FREM1: variants seen among roughly 807,000 people sequenced by gnomAD.
FREM1 encodes the protein FRAS1 related extracellular matrix 1, also known as FRAS1-related extracellular matrix protein 1.
FREM1 carries 220 observed loss-of-function variants against 210.1 expected under a neutral mutation model. The ratio of observed to expected loss-of-function variants is 1.05; its 90% CI spans 0.94 to 1.17. FREM1 has a LOEUF of 1.17. Among genes scored for constraint, FREM1 ranks in the 50% most tolerant of loss-of-function variants. FREM1 has a pLI of 0.00. For synonymous variants in FREM1, 1,189 were observed against 980.2 expected (o/e 1.21, Z -3.98); for missense variants, 3,454 against 2,675.5 (o/e 1.29, Z -6.42).
At chr9:14,845,764 AT>A (rs1441842432) in intron 8 of FREM1, among the ~76,000 whole-genome samples, 195 bp downstream of exon 8, 2 of 152,230 alleles carry the variant, frequency 1.3e-5, no homozygotes, top group African/African-American at 2.4e-5. Context: ...ACAAGGTACC[AT>A]TCATAAATGG....
intron 13 of FREM1, among the ~76,000 whole-genome samples, chr9:14,822,255 G>A (rs1821497064): frequency 6.6e-6 from 1 of 152,116 alleles, no homozygotes; most frequent in Admixed American, 6.5e-5. Flanking sequence ...TTAGCAGCGT[G>A]AGAACAGACT....
At chr9:14,760,875 A>T (rs1845374015) in intron 27 of FREM1, among the ~76,000 whole-genome samples, 1 of 145,058 alleles carries the variant, frequency 6.9e-6, no homozygotes, top group Non-Finnish European at 1.5e-5. Context: ...GCCATCTGTA[A>T]CCTTACTATA....
rs746184536 is a variant in FREM1 at position 14,851,581 on chromosome 9, AT to A, written c.854del (p.Tyr285LeufsTer28). On this transcript the variant is annotated frameshift_variant, in exon 6 of 37. Transcript: ENST00000380880. LOFTEE classifies it high-confidence loss of function. ...TCTGATTCGGAATTCCAGCTCTGAT[AT>A]AGACAGGCAGCCACGCACTCTCTGA... ...YKSESAWLPVYIRAGIPNQIP... is the reference protein window; with the variant it reads ...YKSESAWLPVXIRAGIPNQIP... 4 of 1,613,884 alleles carry A rather than the reference AT, an allele frequency of 2.5e-6. No individual in the cohort carries two copies. The African/African-American group carries it at 5.3e-5, about 22-fold the overall frequency.
intron 27 of FREM1, among the ~76,000 whole-genome samples, chr9:14,762,940 C>G (rs186155356): frequency 6.6e-6 from 1 of 152,044 alleles, no homozygotes; most frequent in Non-Finnish European, 1.5e-5. Context: ...ATGTCCAGAT[C>G]CAGGAGCCCA....
chr9:14,739,389 C>T (rs150710724), intron 36 of FREM1, among the ~76,000 whole-genome samples: 297 of 150,166 alleles, frequency 2.0e-3, no homozygotes, highest in African/African-American at 6.7e-3. Context: ...CAGGCGTGAG[C>T]CACCATACCC....
chr9:14,790,232 C>T (rs1851068454), intron 22 of FREM1, among the ~76,000 whole-genome samples: 1 of 152,070 alleles, frequency 6.6e-6, no homozygotes. Flanking sequence ...CTCCCAGTTC[C>T]TGGCAAAAGA....
At chr9:14,857,495 G>A (rs1828990603) in intron 5 of FREM1, 58 bp downstream of exon 5, 3 of 1,400,122 alleles carry the variant, frequency 2.1e-6, no homozygotes, top group Non-Finnish European at 3.0e-6. Context: ...GTAAGCCTGT[G>A]TAACTGGCTC....
intron 1 of FREM1, among the ~76,000 whole-genome samples, chr9:14,877,957 C>A (rs1257984493): frequency 6.6e-6 from 1 of 152,216 alleles, no homozygotes; most frequent in Non-Finnish European, 1.5e-5. Context: ...CAGAATCCAG[C>A]TACTTCTTAC....
chr9:14,871,353 G>A (rs1832636697), intron 1 of FREM1, among the ~76,000 whole-genome samples: 2 of 152,172 alleles, frequency 1.3e-5, no homozygotes, highest in Non-Finnish European at 1.5e-5. Context: ...CATTCTAACT[G>A]GTGTGAGATG....
At chr9:14,762,702 T>C (rs12685742) in intron 27 of FREM1, among the ~76,000 whole-genome samples, 53,961 of 150,782 alleles carry the variant, frequency 0.36, 10,491 homozygotes, top group Middle Eastern at 0.45. Context: ...AATATCTAAA[T>C]AGCAAAGGAC....
At chr9:14,875,629 TGTAGCTCTAA>T (rs2132015299) in intron 1 of FREM1, among the ~76,000 whole-genome samples, 1 of 152,354 alleles carries the variant, frequency 6.6e-6, no homozygotes, top group East Asian at 1.9e-4. Flanking sequence ...AATTTCCTCC[TGTAGCTCTAA>T]GTAGTTTGAT....
At position 14,737,184 on chromosome 9, in the gene FREM1, T is replaced by C. The variant is rs1563795452; in HGVS notation, c.*212A>G. On this transcript the variant is annotated 3_prime_UTR_variant, in exon 37 of 37. Transcript: ENST00000380880. ...TACTGCTGGCATTTATTTTAAAAGG[T>C]ATTGAGATACAAAAATTGTATCTTA... 8.2e-6 allele frequency: 4 copies of C among 487,234 alleles called. No individual in the cohort carries two copies. The highest frequency in any genetic ancestry group is 1.1e-5 in the Non-Finnish European group (3 of 278,028). The allele number at this position is 487,234 out of a possible 1,614,324, so 30.2% of individuals were successfully genotyped here.
rs1364612461 is a variant in FREM1 at position 14,868,796 on chromosome 9, T to A, written c.182A>T (p.Glu61Val). 6.2e-7 allele frequency: 1 copy of A among 1,613,144 alleles called. No homozygotes were observed. The highest frequency in any genetic ancestry group is 1.7e-5 in the Admixed American group (1 of 59,894). Residue 61 changes from glutamate to valine, a missense_variant, in exon 2 of 37, where the codon GAA becomes GTA. Transcript: ENST00000380880. ...GGTTATTGGCTCATTCATCACAACT[T>A]CCACTTTGCAGGCATCTTTCTCTTT... ...IPKEKDACKV[E>V]VVMNEPITQR...
At chr9:14,741,531 G>A (rs1220273480) in intron 35 of FREM1, among the ~76,000 whole-genome samples, 1 of 152,148 alleles carries the variant, frequency 6.6e-6, no homozygotes, top group Admixed American at 6.6e-5. Context: ...AGTTACAGCA[G>A]GTATGATGAG....
intron 15 of FREM1, among the ~76,000 whole-genome samples, chr9:14,814,310 C>G (rs752699110): frequency 4.3e-4 from 66 of 152,116 alleles, no homozygotes; most frequent in Non-Finnish European, 7.9e-4. Flanking sequence ...TGGCCTGTGA[C>G]CTCTAGAAGA....
chr9:14,776,251 C>A (rs773030591), intron 24 of FREM1, 48 bp from the exon 25 acceptor site: 25 of 1,496,868 alleles, frequency 1.7e-5, no homozygotes, highest in Non-Finnish European at 2.0e-5. Context: ...CTTGTGTCAC[C>A]ATCTACTGGA....
intron 19 of FREM1, 26 bp downstream of exon 19, chr9:14,804,930 A>G (rs1354224136): frequency 6.5e-7 from 1 of 1,540,956 alleles, no homozygotes; most frequent in Non-Finnish European, 9.0e-7. Context: ...TAAAAGAGAA[A>G]TGGAACATTT....
intron 15 of FREM1, among the ~76,000 whole-genome samples, chr9:14,816,499 C>A (rs1820334412): frequency 6.6e-6 from 1 of 152,046 alleles, no homozygotes; most frequent in Non-Finnish European, 1.5e-5. Flanking sequence ...GTTTATAGGT[C>A]ATGAGGGCTC....
chr9:14,787,718 T>G (rs1202453865), intron 23 of FREM1, among the ~76,000 whole-genome samples: 1 of 152,178 alleles, frequency 6.6e-6, no homozygotes, highest in East Asian at 1.9e-4. Flanking sequence ...CACTGTAAAG[T>G]TGTGTTGTGC....
Sources: allele counts gnomAD v4.1 joint callset (sites outside exome capture counted in the v4.1 genomes callset), GRCh38; gene constraint gnomAD v4.1.1; transcripts MANE v1.5; gene names NCBI Gene and HGNC (gene_info 2026-07-23, HGNC 2026-07-21).